Variants in CD96 observed in about 807,000 individuals in gnomAD.
The protein encoded by CD96 is CD96 molecule.
In CD96, 70 loss-of-function variants were observed where a neutral mutation model predicts 71.3. That is an observed-to-expected ratio of 0.98 (90% confidence interval 0.81 to 1.20). The LOEUF (loss-of-function observed/expected upper bound fraction) is 1.20, where lower values mean the gene tolerates loss of function less well. CD96 is among the 50% of genes most tolerant of loss of function. The pLI, the probability that CD96 is intolerant of heterozygous loss-of-function variation, is 0.00. For missense variants in CD96, 742 were observed against 677.5 expected, an observed-to-expected ratio of 1.10 and a Z score of -1.06; for synonymous variants, 248 against 233.0, an observed-to-expected ratio of 1.06 and a Z score of -0.59.
At chr3:111,600,611 A>C in intron 6 of CD96, 115 bp from the exon 7 acceptor site, 1 of 783,068 alleles carries the variant, frequency 1.3e-6, no homozygotes, top group Non-Finnish European at 2.2e-6. Flanking sequence ...AGAAGCTGCC[A>C]TTTGACCACT....
chr3:111,588,954 C>CTTTTTTTTT (rs772858162), intron 5 of CD96, among the ~76,000 whole-genome samples: 1 of 136,262 alleles, frequency 7.3e-6, no homozygotes. Flanking sequence ...CTTTTTTTTT[C>CTTTTTTTTT]TTTTTTTTTT....
At chr3:111,626,897 G>A (rs1007095117) in intron 10 of CD96, among the ~76,000 whole-genome samples, 9 of 152,164 alleles carry the variant, frequency 5.9e-5, no homozygotes, top group African/African-American at 1.2e-4. Flanking sequence ...TGCCTTAGAC[G>A]TAATATGTGA....
At chr3:111,607,070 T>G (rs576495092) in intron 8 of CD96, 1 of 479,148 alleles carries the variant, frequency 2.1e-6, no homozygotes, top group African/African-American at 2.0e-5. Context: ...ATAAAGAAAC[T>G]CCTAAACATA....
intron 2 of CD96, among the ~76,000 whole-genome samples, chr3:111,550,844 T>C (rs1464779877): frequency 6.6e-6 from 1 of 152,142 alleles, no homozygotes; most frequent in Admixed American, 6.5e-5. Flanking sequence ...CATTTGGGTA[T>C]GGTATGAAAT....
chr3:111,603,885 C>A (rs1205547164), intron 7 of CD96, among the ~76,000 whole-genome samples: 1 of 152,188 alleles, frequency 6.6e-6, no homozygotes, highest in Non-Finnish European at 1.5e-5. Flanking sequence ...TTCATGACTT[C>A]CCTCAGTGCA....
intron 4 of CD96, among the ~76,000 whole-genome samples, chr3:111,580,350 AG>A (rs1291379604): frequency 6.6e-6 from 1 of 152,242 alleles, no homozygotes; most frequent in East Asian, 1.9e-4. Context: ...CCATTAATGA[AG>A]GGAAGCCTCT....
At chr3:111,593,789 T>A (rs1433745816) in intron 5 of CD96, 1 of 1,614,222 alleles carries the variant, frequency 6.2e-7, no homozygotes, top group Non-Finnish European at 8.5e-7. Flanking sequence ...CCTACCCCAG[T>A]TACCCTCAAT....
At chr3:111,599,919 G>T (rs1451187783) in intron 6 of CD96, among the ~76,000 whole-genome samples, 1 of 152,162 alleles carries the variant, frequency 6.6e-6, no homozygotes, top group Non-Finnish European at 1.5e-5. Flanking sequence ...AAAGCTGTAA[G>T]AATCCAGAAA....
chr3:111,606,421 G>T (rs1279085807), intron 7 of CD96, among the ~76,000 whole-genome samples: 1 of 152,086 alleles, frequency 6.6e-6, no homozygotes, highest in East Asian at 1.9e-4. Context: ...CTTTATCAGT[G>T]CCCCTTCGTT....
In CD96 at chr3:111,623,775, T is replaced by C. The variant is rs1434198476; in HGVS notation, c.1202T>C (p.Val401Ala). 2.5e-6 allele frequency: 4 copies of C among 1,609,856 alleles called. No individual in the cohort carries two copies. The highest frequency in any genetic ancestry group is 3.4e-6 in the Non-Finnish European group (4 of 1,176,192). Residue 401 changes from valine (V) to alanine (A), a missense_variant, in exon 9 of 14, where the codon GTG becomes GCG. Transcript: ENST00000352690. ...SPARYPATSS[V>A]TLVDVSALRP... ...ATAGGATATCCAGCTACATCTTCAGTGACCCTTGTAGATGTGAGTGCCTTG... is the reference window on the plus strand; with the variant it reads ...ATAGGATATCCAGCTACATCTTCAGCGACCCTTGTAGATGTGAGTGCCTTG...
downstream of CD96, among the ~76,000 whole-genome samples, chr3:111,656,160 G>C (rs189307748): frequency 6.6e-6 from 1 of 151,744 alleles, no homozygotes; most frequent in African/African-American, 2.4e-5. Flanking sequence ...CAAATATTGA[G>C]GATAAAAAAC....
At chr3:111,608,432 T>C (rs779109838) in intron 8 of CD96, among the ~76,000 whole-genome samples, 5 of 152,202 alleles carry the variant, frequency 3.3e-5, no homozygotes, top group Non-Finnish European at 5.9e-5. Context: ...TGTGAACAAA[T>C]TAAAGCCACC....
intron 1 of CD96, among the ~76,000 whole-genome samples, chr3:111,544,542 T>C (rs1229132316): frequency 6.6e-6 from 1 of 152,170 alleles, no homozygotes; most frequent in Non-Finnish European, 1.5e-5. Flanking sequence ...GTGAGGGGGA[T>C]TAAACAAGAT....
At chr3:111,639,651 T>C (rs544831638) in intron 12 of CD96, among the ~76,000 whole-genome samples, 1 of 152,316 alleles carries the variant, frequency 6.6e-6, no homozygotes, top group African/African-American at 2.4e-5. Flanking sequence ...TGGAGAGCTC[T>C]ACCTCCTGGC....
chr3:111,597,972 C>A (rs1375468496), intron 5 of CD96, 148 bp from the exon 6 acceptor site: 3 of 651,154 alleles, frequency 4.6e-6, no homozygotes, highest in Non-Finnish European at 8.3e-6. Context: ...TCTAACACAA[C>A]CTATATTAAA....
At chr3:111,662,156 T>C (rs1299511297) in intron 14 of CD96, among the ~76,000 whole-genome samples, 1 of 152,234 alleles carries the variant, frequency 6.6e-6, no homozygotes, top group Non-Finnish European at 1.5e-5. Context: ...GAGCTGTAAC[T>C]GAGCCCCTTT....
chr3:111,615,050 G>A (rs749708417), intron 8 of CD96, among the ~76,000 whole-genome samples: 1 of 152,208 alleles, frequency 6.6e-6, no homozygotes, highest in Non-Finnish European at 1.5e-5. Flanking sequence ...GCATAGGTGG[G>A]CTAGAACCCT....
chr3:111,555,994 A>G (rs1576309926), intron 2 of CD96, among the ~76,000 whole-genome samples: 1 of 152,412 alleles, frequency 6.6e-6, no homozygotes, highest in Non-Finnish European at 1.5e-5. Context: ...ATTTATATTG[A>G]ACAATGTTCA....
chr3:111,601,984 T>C (rs1937512190), intron 7 of CD96, among the ~76,000 whole-genome samples: 1 of 152,206 alleles, frequency 6.6e-6, no homozygotes, highest in African/African-American at 2.4e-5. Context: ...TATGTATATG[T>C]ATGAACACAT....
Sources: allele counts gnomAD v4.1 joint callset (sites outside exome capture counted in the v4.1 genomes callset), GRCh38; gene constraint gnomAD v4.1.1; transcripts MANE v1.5; gene names NCBI Gene and HGNC (gene_info 2026-07-23, HGNC 2026-07-21).